RALYL: variants seen among roughly 807,000 people sequenced by gnomAD.
The protein encoded by RALYL is RNA-binding Raly-like protein.
Under a neutral mutation model 35.1 loss-of-function variants are expected in RALYL, and 29 were observed. That is an observed-to-expected ratio of 0.83 (90% CI 0.61 to 1.13). RALYL has a LOEUF of 1.13. Among genes scored for constraint, RALYL ranks in the 50% most tolerant of loss-of-function variants. RALYL has a pLI of 0.00. For synonymous variants in RALYL, 120 were observed against 127.6 expected, an observed-to-expected ratio of 0.94 and a Z score of 0.40; for missense variants, 359 against 360.4, an observed-to-expected ratio of 1.00 and a Z score of 0.03.
chr8:84,802,131 G>C (rs1468609557), intron 3 of RALYL, among the ~76,000 whole-genome samples: 1 of 152,122 alleles, frequency 6.6e-6, no homozygotes, highest in African/African-American at 2.4e-5. Flanking sequence ...TGTTGCCGTA[G>C]CACAAAGCAG....
rs116850916 is a variant in RALYL at position 84,297,009 on chromosome 8, C to T, written c.-24+112585C>T. Among the ~76,000 whole-genome samples the T allele has an allele frequency of 4.7e-3, 708 of 150,794 alleles. 3 individuals are homozygous for T. Among genetic ancestry groups the T allele is most frequent in the Non-Finnish European group, 7.9e-3 (533 of 67,742 alleles). On this transcript the variant is annotated intron_variant, in intron 1 of 8. Transcript: ENST00000521268. The stretch of plus-strand genomic sequence containing the variant: ...GAAACTGAAAGACTTTGAAGAATAA[C>T]GTGTTGTATGATTAGAATTAAGACA...
rs554092582 is a variant in RALYL at position 84,213,446 on chromosome 8, A to G, written c.-24+29022A>G. 3.3e-5 allele frequency among the ~76,000 whole-genome samples: 5 copies of G among 152,326 alleles called. No homozygotes were observed. The South Asian group carries it at 8.3e-4, about 25-fold the overall frequency. The stretch of plus-strand genomic sequence containing the variant: ...TTTTAAAAAGCAAAAAAGAAAGTAG[A>G]GAATAGAAATTTTCTGCAAATAGTA... On this transcript the variant is annotated intron_variant, in intron 1 of 8. Transcript: ENST00000521268.
intron 1 of RALYL, among the ~76,000 whole-genome samples, chr8:84,372,886 G>GTTTTTTTTTTTTTGTTTTGTTTTTT (rs1856071710): frequency 4.1e-4 from 16 of 39,072 alleles, no homozygotes; most frequent in Non-Finnish European, 6.8e-4. Flanking sequence ...GCCAGCATCT[G>GTTTTTTTTTTTTTGTTTTGTTTTTT]TTTTTTTTTT....
intron 1 of RALYL, among the ~76,000 whole-genome samples, chr8:84,282,004 A>C (rs1170504137): frequency 6.6e-6 from 1 of 151,958 alleles, no homozygotes; most frequent in Non-Finnish European, 1.5e-5. Flanking sequence ...CCTTTCAGTT[A>C]TCTGAGCATG....
intron 1 of RALYL, among the ~76,000 whole-genome samples, chr8:84,419,880 A>C (rs112354593): frequency 0.014 from 2,100 of 151,524 alleles, 64 homozygotes; most frequent in African/African-American, 0.047. Flanking sequence ...TTAACTCATC[A>C]TTTTTTATGG....
chr8:84,624,220 C>G (rs1822213191), intron 2 of RALYL, among the ~76,000 whole-genome samples: 1 of 152,202 alleles, frequency 6.6e-6, no homozygotes, highest in Non-Finnish European at 1.5e-5. Context: ...CCTTTTCTTA[C>G]TGTACTAGTT....
chr8:84,554,466 T>C (rs924197675), intron 2 of RALYL, among the ~76,000 whole-genome samples: 1 of 152,194 alleles, frequency 6.6e-6, no homozygotes, highest in Admixed American at 6.5e-5. Context: ...GTAAGGAGTA[T>C]TTTCAAATGA....
Position 84,286,157 on chromosome 8 carries a change from A to C in RALYL, c.-24+101733A>C, listed in dbSNP as rs186887736. On this transcript the variant is annotated intron_variant, in intron 1 of 8. Transcript: ENST00000521268. ...AAGGATGACTTGAATGTTTTTTTTG[A>C]GACCTCGTGATCTGCCCGCCTCGGC... 1.5e-4 allele frequency among the ~76,000 whole-genome samples: 23 copies of C among 152,072 alleles called. No homozygotes were observed. The East Asian group carries it at 4.5e-3, about 30-fold the overall frequency.
chr8:84,697,139 C>T (rs1443777269), intron 2 of RALYL, among the ~76,000 whole-genome samples: 1 of 151,744 alleles, frequency 6.6e-6, no homozygotes, highest in African/African-American at 2.4e-5. Context: ...AATATTTATG[C>T]AAATTTTAAA....
chr8:84,868,333 C>T (rs758579997), intron 6 of RALYL, among the ~76,000 whole-genome samples: 1 of 152,126 alleles, frequency 6.6e-6, no homozygotes, highest in African/African-American at 2.4e-5. Flanking sequence ...ACCAGGAATA[C>T]AGGTGCATAC....
At chr8:84,494,846 G>C (rs2055813873) in intron 1 of RALYL, among the ~76,000 whole-genome samples, 1 of 152,072 alleles carries the variant, frequency 6.6e-6, no homozygotes, top group Non-Finnish European at 1.5e-5. Flanking sequence ...TCTGCAGACA[G>C]AGACAATTTG....
intron 2 of RALYL, among the ~76,000 whole-genome samples, chr8:84,690,272 C>G: frequency 6.6e-6 from 1 of 152,048 alleles, no homozygotes; most frequent in Non-Finnish European, 1.5e-5. Flanking sequence ...ATTAAATAAG[C>G]GAGGCACAGA....
chr8:84,875,500 G>A (rs1563790496), intron 7 of RALYL, among the ~76,000 whole-genome samples: 2 of 151,776 alleles, frequency 1.3e-5, no homozygotes, highest in Non-Finnish European at 2.9e-5. Flanking sequence ...TTTTGAACAT[G>A]TTTAAACTTT....
chr8:84,287,063 A>G (rs758742084), intron 1 of RALYL, among the ~76,000 whole-genome samples: 1 of 152,212 alleles, frequency 6.6e-6, no homozygotes, highest in Non-Finnish European at 1.5e-5. Context: ...CTTGCTTATC[A>G]GTACTTTCTT....
In RALYL at chr8:84,732,683, T is replaced by TATATATATATATATATACACAC; in HGVS notation, c.257-41895_257-41894insTATATATATATATATACACACA. Among the ~76,000 whole-genome samples, 917 of 133,128 alleles carry TATATATATATATATATACACAC rather than the reference T, an allele frequency of 6.9e-3. 29 individuals are homozygous for TATATATATATATATATACACAC. The highest frequency in any genetic ancestry group is 0.026 in the African/African-American group (839 of 32,822). The allele number at this position is 133,128 out of a possible 152,430, so 87.3% of individuals were successfully genotyped here. A position where few individuals can be genotyped will look rare whatever the true frequency, so the allele number is the denominator to read the frequency against. Reference sequence around the variant, plus strand: ...TATTAAATAATTATATATATATATATACACACACACACACATATATATAAT... The same window carrying TATATATATATATATATACACAC: ...TATTAAATAATTATATATATATATATATATATATATATATATACACACACACACACACACACATATATATAAT... On this transcript the variant is annotated intron_variant, in intron 2 of 8. Coordinates refer to ENST00000521268, the MANE Select transcript of RALYL (RefSeq NM_173848.7).
chr8:84,868,515 C>T (rs1460194216), intron 6 of RALYL, among the ~76,000 whole-genome samples: 1 of 152,154 alleles, frequency 6.6e-6, no homozygotes, highest in Non-Finnish European at 1.5e-5. Context: ...TAATTAAACA[C>T]ATTACTTAAC....
intron 1 of RALYL, among the ~76,000 whole-genome samples, chr8:84,415,567 A>C (rs2044607880): frequency 6.6e-6 from 1 of 151,982 alleles, no homozygotes; most frequent in Non-Finnish European, 1.5e-5. Context: ...AAATCTGGTC[A>C]CCAGTTTCCT....
rs143550854 is a variant in RALYL at position 84,913,081 on chromosome 8, T to C, written c.859-7813T>C. Among the ~76,000 whole-genome samples, 494 of 151,948 alleles carry C rather than the reference T, an allele frequency of 3.3e-3. 4 individuals carry two copies. Among genetic ancestry groups the C allele is most frequent in the African/African-American group, 0.01 (420 of 41,458 alleles). On this transcript the variant is annotated intron_variant, in intron 8 of 8. Transcript: ENST00000521268. ...ATAGATAGATAGATAGATAGATAGA[T>C]AGATAGATACACATATACACTAAGT...
At chr8:84,413,617 A>ATATT (rs530591623) in intron 1 of RALYL, among the ~76,000 whole-genome samples, 4,455 of 152,110 alleles carry the variant, frequency 0.029, 212 homozygotes, top group African/African-American at 0.1. Context: ...TATAAACCTT[A>ATATT]TAAAGTTGTC....
Sources: allele counts gnomAD v4.1 joint callset (sites outside exome capture counted in the v4.1 genomes callset), GRCh38; gene constraint gnomAD v4.1.1; transcripts MANE v1.5; gene names NCBI Gene and HGNC (gene_info 2026-07-23, HGNC 2026-07-21).